DPYSL2: variants seen among roughly 807,000 people sequenced by gnomAD.
The protein encoded by DPYSL2 is dihydropyrimidinase like 2.
Under a neutral mutation model 69.9 loss-of-function variants are expected in DPYSL2, and 13 were observed. The observed-to-expected ratio is 0.19, with a 90% CI of 0.12 to 0.30. The LOEUF is 0.30. DPYSL2 is among the 10% of genes least tolerant of loss of function. The pLI is 1.00. For missense variants in DPYSL2, 587 were observed against 918.9 expected (o/e 0.64, Z 4.67); for synonymous variants, 326 against 359.1 (o/e 0.91, Z 1.04).
chr8:26,523,003 A>G (rs17055402), intron 1 of DPYSL2, among the ~76,000 whole-genome samples: 2,898 of 152,194 alleles, frequency 0.019, 82 homozygotes, highest in African/African-American at 0.064. Flanking sequence ...GGAGCTTTGA[A>G]ATTCATTTAG....
In DPYSL2 at chr8:26,655,828, T is replaced by G; in HGVS notation, c.*122T>G. On this transcript the variant is annotated 3_prime_UTR_variant, in exon 14 of 14. Transcript: ENST00000521913. ...TTTTTTAAGAGCCTGTGATAGTTACTGTGGAGCAGCCAGTTCATGGGGTCC... is the reference window on the plus strand; with the variant it reads ...TTTTTTAAGAGCCTGTGATAGTTACGGTGGAGCAGCCAGTTCATGGGGTCC... 1.0e-6 allele frequency: 1 copy of G among 966,162 alleles called. No homozygotes were observed. The highest frequency in any genetic ancestry group is 1.4e-6 in the Non-Finnish European group (1 of 695,526). 59.8% of individuals were successfully genotyped at this position (966,162 alleles called of 1,614,324 possible).
chr8:26,569,588 G>T (rs1035621505), intron 1 of DPYSL2, among the ~76,000 whole-genome samples: 1 of 152,180 alleles, frequency 6.6e-6, no homozygotes, highest in African/African-American at 2.4e-5. Context: ...GGAGGACTAG[G>T]TGGTTTAGGG....
chr8:26,647,563 T>C lies in DPYSL2; in HGVS notation c.1426-67T>C. 6.6e-7 allele frequency: 1 copy of C among 1,510,302 alleles called. No individual in the cohort carries two copies. The highest frequency in any genetic ancestry group is 8.9e-7 in the Non-Finnish European group (1 of 1,121,602). The allele number at this position is 1,510,302 out of a possible 1,614,324, so 93.6% of individuals were successfully genotyped here. On this transcript the variant is annotated intron_variant, in intron 10 of 13. Coordinates refer to ENST00000521913, the MANE Select transcript of DPYSL2 (RefSeq NM_001197293.3). This position sits in a 1 kb window ranked among gnomAD's most constrained non-coding sequence, Gnocchi z 5.1. ...GTCGTGTGTATCAATAGTTTGTTAT[T>C]GAAAAGTAACTTTTTAACTCGTTTC...
chr8:26,585,174 C>T lies in DPYSL2; in HGVS notation c.628+1191C>T, dbSNP rs1801573378. Among the ~76,000 whole-genome samples the T allele has an allele frequency of 6.6e-6, 1 of 152,146 alleles. No individual in the cohort carries two copies. The highest frequency in any genetic ancestry group is 1.5e-5 in the Non-Finnish European group (1 of 68,030). On this transcript the variant is annotated intron_variant, in intron 3 of 13. Coordinates refer to ENST00000521913, the MANE Select transcript of DPYSL2 (RefSeq NM_001197293.3). The surrounding 1 kb of genome is among the most constrained non-coding windows in gnomAD (Gnocchi z 4.0). The stretch of plus-strand genomic sequence containing the variant: ...TGTCATATATGAAAAGATAGCAGTT[C>T]AGTTCAGAAGAGGGTCTAAGTAGAA...
intron 1 of DPYSL2, among the ~76,000 whole-genome samples, chr8:26,557,787 AAAACAAAC>A (rs369417683): frequency 2.6e-5 from 4 of 151,740 alleles, no homozygotes; most frequent in Non-Finnish European, 5.9e-5. Context: ...GACTTTTTCT[AAAACAAAC>A]AAACAAACAA....
chr8:26,613,942 G>C (rs752787726), intron 3 of DPYSL2, among the ~76,000 whole-genome samples: 61 of 151,968 alleles, frequency 4.0e-4, no homozygotes, highest in Non-Finnish European at 7.2e-4. Flanking sequence ...GACCTGCCTG[G>C]GCAACATGGG....
intron 1 of DPYSL2, among the ~76,000 whole-genome samples, chr8:26,550,003 T>A (rs1409279860): frequency 3.9e-5 from 6 of 152,148 alleles, no homozygotes; most frequent in Admixed American, 3.9e-4. Context: ...TAAATCAAGG[T>A]AAAATAAAGT....
intron 7 of DPYSL2, 54 bp from the exon 8 acceptor site, chr8:26,634,726 G>T (rs1329131997): frequency 1.2e-6 from 2 of 1,611,802 alleles, no homozygotes; most frequent in Non-Finnish European, 1.7e-6. Context: ...GATAAAGGTA[G>T]CGGCTCGTGG....
intron 1 of DPYSL2, among the ~76,000 whole-genome samples, chr8:26,538,697 C>T (rs1222949585): frequency 6.6e-6 from 1 of 152,220 alleles, no homozygotes; most frequent in Non-Finnish European, 1.5e-5. Flanking sequence ...CTACCTCCTT[C>T]CCACAATCAC....
chr8:26,538,151 C>T (rs1800625830), intron 1 of DPYSL2, among the ~76,000 whole-genome samples: 1 of 152,186 alleles, frequency 6.6e-6, no homozygotes, highest in Admixed American at 6.5e-5. Flanking sequence ...AAGGAGGTAG[C>T]TGTCAGATCG....
rs1585484229 is a variant in DPYSL2, at chr8:26,517,626, A to C, written c.354+2947A>C. 6.6e-6 allele frequency among the ~76,000 whole-genome samples: 1 copy of C among 151,770 alleles called. No individual in the cohort carries two copies. The highest frequency in any genetic ancestry group is 2.4e-5 in the African/African-American group (1 of 41,260). On this transcript the variant is annotated intron_variant, in intron 1 of 13. Transcript: ENST00000521913. The surrounding 1 kb of genome is among the most constrained non-coding windows in gnomAD (Gnocchi z 4.2). ...TCCTCCTAGGAACTTCCTCCATTCC[A>C]CTCCAGACACAGCGTAGCCAGAACC...
chr8:26,607,868 A>G (rs1802140638), intron 3 of DPYSL2, among the ~76,000 whole-genome samples: 1 of 152,036 alleles, frequency 6.6e-6, no homozygotes, highest in Non-Finnish European at 1.5e-5. Context: ...TCACAAGGTC[A>G]GGAGATCGAG....
Position 26,652,519 on chromosome 8 carries a change from CAG to C in DPYSL2, c.1776+85_1776+86del. 7.1e-7 allele frequency: 1 copy of C among 1,405,594 alleles called. No individual in the cohort carries two copies. Among genetic ancestry groups the C allele is most frequent in the African/African-American group, 1.4e-5 (1 of 69,446 alleles). The allele number at this position is 1,405,594 out of a possible 1,614,324, so 87.1% of individuals were successfully genotyped here. A position where few individuals can be genotyped will look rare whatever the true frequency, so the allele number is the denominator to read the frequency against. On this transcript the variant is annotated intron_variant, in intron 12 of 13. Coordinates refer to ENST00000521913, the MANE Select transcript of DPYSL2 (RefSeq NM_001197293.3). The surrounding 1 kb of genome is among the most constrained non-coding windows in gnomAD (Gnocchi z 6.3). ...CAAACATTTATTAAGCACCTTGAGA[CAG>C]AATATTAAGATGAATTTAGTGGATT...
In DPYSL2 at chr8:26,654,998, C is replaced by T. The variant is rs367856048; in HGVS notation, c.1943-617C>T. On this transcript the variant is annotated intron_variant, in intron 13 of 13. Coordinates refer to ENST00000521913, the MANE Select transcript of DPYSL2 (RefSeq NM_001197293.3). This position sits in a 1 kb window ranked among gnomAD's most constrained non-coding sequence, Gnocchi z 5.0. ...CTGGTACTACAGGCTTGCACCATCA[C>T]GCCTGGCTAATTTTTTAATTTTTTT... Among the ~76,000 whole-genome samples, 10 of 152,120 alleles carry T rather than the reference C, an allele frequency of 6.6e-5. No homozygotes were observed. The East Asian group carries it at 9.7e-4, about 15-fold the overall frequency.
rs1803326412 is a variant in DPYSL2 at position 26,653,760 on chromosome 8, G to A, written c.1942+363G>A. On this transcript the variant is annotated intron_variant, in intron 13 of 13. Coordinates refer to ENST00000521913, the MANE Select transcript of DPYSL2 (RefSeq NM_001197293.3). This position sits in a 1 kb window ranked among gnomAD's most constrained non-coding sequence, Gnocchi z 5.7. ...TTTAGTAGAGACGGAGTATCACCAT[G>A]TTGGCCAGGCTGATAGAACTCCTGA... 6.6e-6 allele frequency among the ~76,000 whole-genome samples: 1 copy of A among 152,086 alleles called. No homozygotes were observed. Among genetic ancestry groups the A allele is most frequent in the Admixed American group, 6.5e-5 (1 of 15,272 alleles).
chr8:26,530,552 A>G (rs535374719), intron 1 of DPYSL2, among the ~76,000 whole-genome samples: 77 of 152,326 alleles, frequency 5.1e-4, no homozygotes, highest in Non-Finnish European at 8.7e-4. Context: ...TCAATTTCCA[A>G]TAGGACTCTG....
intron 1 of DPYSL2, among the ~76,000 whole-genome samples, chr8:26,568,162 G>A (rs11786284): frequency 0.1 from 15,404 of 152,168 alleles, 873 homozygotes; most frequent in Non-Finnish European, 0.12. Flanking sequence ...GAAGAATTCT[G>A]TCTGGTTCCT....
rs1802616762 is a variant in DPYSL2, at chr8:26,626,514, CACACACACGT to C, written c.794-94_794-85del. 1 of 923,122 alleles carries C rather than the reference CACACACACGT, an allele frequency of 1.1e-6. No individual in the cohort carries two copies. The highest frequency in any genetic ancestry group is 1.7e-6 in the Non-Finnish European group (1 of 583,504). 57.2% of individuals were successfully genotyped at this position (923,122 alleles called of 1,614,324 possible). A position where few individuals can be genotyped will look rare whatever the true frequency, so the allele number is the denominator to read the frequency against. On this transcript the variant is annotated intron_variant, in intron 4 of 13. Coordinates refer to ENST00000521913, the MANE Select transcript of DPYSL2 (RefSeq NM_001197293.3). The surrounding 1 kb of genome is among the most constrained non-coding windows in gnomAD (Gnocchi z 4.3). ...ACACACACACACACACACACACACA[CACACACACGT>C]ACACACACAGACAGTATTATCACTT... is the stretch of plus-strand genomic sequence containing the variant.
Position 26,652,235 on chromosome 8 carries a change from G to C in DPYSL2, c.1597-22G>C. On this transcript the variant is annotated intron_variant, in intron 11 of 13. Transcript: ENST00000521913. The surrounding 1 kb of genome is among the most constrained non-coding windows in gnomAD (Gnocchi z 6.3). ...TCCAGCCAGAGTGGCCTGTTCTAGA[G>C]TTTACTTTGCCTTCTTCTCAGTCTC... The C allele has an allele frequency of 6.2e-7, 1 of 1,605,090 alleles. No individual in the cohort carries two copies. The highest frequency in any genetic ancestry group is 1.1e-5 in the South Asian group (1 of 89,894).
Sources: allele counts gnomAD v4.1 joint callset (sites outside exome capture counted in the v4.1 genomes callset), GRCh38; gene constraint gnomAD v4.1.1; non-coding constraint Gnocchi (gnomAD v3.1); transcripts MANE v1.5; gene names NCBI Gene and HGNC (gene_info 2026-07-23, HGNC 2026-07-21).